The following TNN variants were observed in gnomAD, a reference collection of about 807,000 sequenced individuals.
TNN encodes tenascin N, also known as tenascin-N.
Under a neutral mutation model 134.4 loss-of-function variants are expected in TNN, and 122 were observed. That is an observed-to-expected ratio of 0.91 (90% CI 0.78 to 1.06). TNN has a LOEUF of 1.06. Ranked by LOEUF, TNN falls within the 50% of genes least tolerant of loss-of-function variation. TNN has a pLI of 0.00. For missense variants in TNN, 1,739 were observed against 1,699.4 expected, an observed-to-expected ratio of 1.02 and a Z score of -0.41; for synonymous variants, 710 against 670.3, an observed-to-expected ratio of 1.06 and a Z score of -0.91.
At chr1:175,079,198 T>TG in intron 2 of TNN, 135 bp from the exon 3 acceptor site, 1 of 1,147,728 alleles carries the variant, frequency 8.7e-7, no homozygotes, top group Non-Finnish European at 1.2e-6. Flanking sequence ...AAAATAGCCG[T>TG]GCAAGACCCA....
intron 15 of TNN, among the ~76,000 whole-genome samples, chr1:175,133,639 A>G (rs1675727643): frequency 6.6e-6 from 1 of 152,090 alleles, no homozygotes; most frequent in African/African-American, 2.4e-5. Flanking sequence ...GCTTGATTCT[A>G]GGCCACTTTA....
intron 9 of TNN, among the ~76,000 whole-genome samples, chr1:175,110,638 G>T (rs1400945284): frequency 2.6e-5 from 4 of 152,146 alleles, no homozygotes; most frequent in African/African-American, 9.7e-5. Context: ...TTTCCCCATT[G>T]AATGTTCTTG....
intron 9 of TNN, among the ~76,000 whole-genome samples, chr1:175,115,677 A>G (rs1330787057): frequency 6.6e-6 from 1 of 152,112 alleles, no homozygotes; most frequent in Non-Finnish European, 1.5e-5. Flanking sequence ...CCAAGACACC[A>G]AGACGGTGTA....
chr1:175,080,360 A>G lies in TNN; in HGVS notation c.982A>G (p.Ile328Val), dbSNP rs143132527. ...TGGTTTGCTGCCTGGAACCAAGTAC[A>G]TAGTCACCCTGCGTAACGTCAAGAA... ...ILGLLPGTKY[I>V]VTLRNVKNEV... Residue 328 changes from isoleucine to valine, a missense_variant, in exon 4 of 19, where the codon ATA becomes GTA. By Grantham distance (29) the Ile-to-Val change is conservative. Transcript: ENST00000239462. 1 of 1,614,024 alleles carries G rather than the reference A, an allele frequency of 6.2e-7. No homozygotes were observed. The highest frequency in any genetic ancestry group is 1.3e-5 in the African/African-American group (1 of 74,912).
chr1:175,098,279 A>C, intron 8 of TNN, 53 bp from the exon 9 acceptor site: 1 of 1,612,318 alleles, frequency 6.2e-7, no homozygotes, highest in African/African-American at 1.3e-5. Flanking sequence ...GGGGGTAAGG[A>C]TATGTCTTCC....
intron 17 of TNN, among the ~76,000 whole-genome samples, chr1:175,137,712 G>A (rs954796857): frequency 2.0e-5 from 3 of 152,132 alleles, no homozygotes; most frequent in Admixed American, 6.5e-5. Context: ...TTTTAAAAGC[G>A]GTATTTATGG....
chr1:175,070,030 A>T (rs933337268), intron 1 of TNN, among the ~76,000 whole-genome samples: 1 of 152,150 alleles, frequency 6.6e-6, no homozygotes, highest in African/African-American at 2.4e-5. Flanking sequence ...CATTCTGGGG[A>T]CTGGCTGTTT....
chr1:175,119,635 TTTC>T (rs1675293948), intron 11 of TNN, among the ~76,000 whole-genome samples: 1 of 144,700 alleles, frequency 6.9e-6, no homozygotes, highest in Admixed American at 6.7e-5. Context: ...ATGCCTTTTT[TTTC>T]TTTTTTTTTT....
Position 175,079,454 on chromosome 1 carries a change from C to T in TNN, c.531C>T (p.Gly177=). The T allele has an allele frequency of 1.3e-6, 2 of 1,572,138 alleles. No homozygotes were observed. The highest frequency in any genetic ancestry group is 1.7e-6 in the Non-Finnish European group (2 of 1,161,942). ...TGGCCTGCCCCGGGGCGTGCAGCGG[C>T]CACGGGCGTTGCGTGGACGGGCGCT... is the stretch of plus-strand genomic sequence containing the variant. The part of the protein sequence containing the change: ...ERLACPGACS[G]HGRCVDGRCL... Residue 177 remains glycine, a synonymous_variant, in exon 3 of 19, where the codon GGC becomes GGT. Transcript: ENST00000239462.
chr1:175,069,442 A>T (rs1673871515), intron 1 of TNN, among the ~76,000 whole-genome samples: 1 of 152,210 alleles, frequency 6.6e-6, no homozygotes, highest in Non-Finnish European at 1.5e-5. Flanking sequence ...CGAAGGAGGG[A>T]AAATAGAACA....
intron 4 of TNN, among the ~76,000 whole-genome samples, chr1:175,082,298 G>A (rs1420932229): frequency 1.3e-5 from 2 of 152,310 alleles, no homozygotes; most frequent in East Asian, 1.9e-4. Context: ...CTGCAAGTGT[G>A]AAGTTTCTCT....
chr1:175,125,751 TTCTTTC>T (rs1675506046), intron 12 of TNN, among the ~76,000 whole-genome samples: 4 of 102,792 alleles, frequency 3.9e-5, no homozygotes, highest in South Asian at 3.3e-4. Context: ...CTTTCTTTCT[TTCTTTC>T]TCTCTCTCTC....
At chr1:175,146,103 A>G (rs1676063361) in intron 18 of TNN, among the ~76,000 whole-genome samples, 1 of 152,104 alleles carries the variant, frequency 6.6e-6, no homozygotes, top group African/African-American at 2.4e-5. Context: ...TGATTTTTCA[A>G]AGGGAAGAAG....
chr1:175,112,345 T>G (rs552765964), intron 9 of TNN, among the ~76,000 whole-genome samples: 1 of 152,280 alleles, frequency 6.6e-6, no homozygotes, highest in Admixed American at 6.5e-5. Context: ...CTCACTTGTA[T>G]CCTCTTGCTG....
chr1:175,103,134 TA>T (rs1470916752), intron 9 of TNN, among the ~76,000 whole-genome samples: 1 of 145,792 alleles, frequency 6.9e-6, no homozygotes, highest in Non-Finnish European at 1.5e-5. Flanking sequence ...ACAAGAAGGT[TA>T]AAAATACAGG....
chr1:175,077,428 C>T lies in TNN; in HGVS notation c.10C>T (p.Gln4Ter). 9 of 1,612,796 alleles carry T rather than the reference C, an allele frequency of 5.6e-6. No homozygotes were observed. Among genetic ancestry groups the T allele is most frequent in the Non-Finnish European group, 7.6e-6 (9 of 1,179,406 alleles). The change falls in exon 2 of 19, where the codon CAG becomes TAG. Residue 4 changes from glutamine (Q) to a stop codon, truncating the protein, a stop_gained. Transcript: ENST00000239462. LOFTEE classifies it high-confidence loss of function. Reference sequence around the variant, plus strand: ...CCCTGTCTTTCCAAGGATGAGTCTCCAGGAGATGTTCCGCTTCCCTATGGG... The same window carrying T: ...CCCTGTCTTTCCAAGGATGAGTCTCTAGGAGATGTTCCGCTTCCCTATGGG... MSL[Q>*]EMFRFPMGLL...
intron 8 of TNN, 88 bp downstream of exon 8, chr1:175,097,771 A>G: frequency 1.3e-6 from 2 of 1,527,748 alleles, no homozygotes; most frequent in Non-Finnish European, 1.8e-6. Flanking sequence ...CCTGAGCAGA[A>G]AGACTTTGCA....
At chr1:175,120,958 A>G (rs6701127) in intron 11 of TNN, among the ~76,000 whole-genome samples, 73,189 of 151,856 alleles carry the variant, frequency 0.48, 17,914 homozygotes, top group East Asian at 0.66. Flanking sequence ...GTGCCACTAA[A>G]CCTGTAATTT....
intron 18 of TNN, 147 bp downstream of exon 18, chr1:175,144,697 T>G: frequency 2.2e-6 from 2 of 894,380 alleles, no homozygotes; most frequent in Non-Finnish European, 1.7e-6. Context: ...CTCCATGGCC[T>G]TGAGGTCGTG....
Sources: allele counts gnomAD v4.1 joint callset (sites outside exome capture counted in the v4.1 genomes callset), GRCh38; gene constraint gnomAD v4.1.1; transcripts MANE v1.5; gene names NCBI Gene and HGNC (gene_info 2026-07-23, HGNC 2026-07-21).